Variants in LRIG1 observed in about 807,000 individuals in gnomAD.
LRIG1 encodes the protein leucine-rich repeats and immunoglobulin-like domains protein 1.
Under a neutral mutation model 99.2 loss-of-function variants are expected in LRIG1, and 48 were observed. The ratio of observed to expected loss-of-function variants is 0.48; its 90% CI spans 0.38 to 0.62. The LOEUF is 0.62. Among genes scored for constraint, LRIG1 ranks in the 20% least tolerant of loss-of-function variants. LRIG1 has a pLI of 0.00. For synonymous variants in LRIG1, 772 were observed against 596.1 expected, an observed-to-expected ratio of 1.29 and a Z score of -4.30; for missense variants, 1,646 against 1,434.4, an observed-to-expected ratio of 1.15 and a Z score of -2.38.
chr3:66,445,573 A>G (rs1430013835), intron 3 of LRIG1, among the ~76,000 whole-genome samples: 1 of 152,200 alleles, frequency 6.6e-6, no homozygotes, highest in Non-Finnish European at 1.5e-5. Flanking sequence ...CCAGCTAGGA[A>G]TAAATGCACA....
chr3:66,463,299 C>T (rs1700398418), intron 1 of LRIG1, among the ~76,000 whole-genome samples: 1 of 152,168 alleles, frequency 6.6e-6, no homozygotes, highest in African/African-American at 2.4e-5. Context: ...AGTATTCCCA[C>T]CTACACTGAA....
rs201648773 is a variant in LRIG1, at chr3:66,405,181, G to A, written c.1160+17C>T. On this transcript the variant is annotated intron_variant, in intron 9 of 18. Coordinates refer to ENST00000273261, the MANE Select transcript of LRIG1 (RefSeq NM_015541.3). ...CCCGCGCATTTGCCGGCGGAGCTCC[G>A]TGCGGCGGATACTCACAGCTTGCTG... is the stretch of plus-strand genomic sequence containing the variant. 1,815 of 1,611,868 alleles carry A rather than the reference G, an allele frequency of 1.1e-3. 11 individuals are homozygous for A. The highest frequency in any genetic ancestry group is 8.3e-3 in the South Asian group (758 of 91,008).
rs1559766633 is a variant in LRIG1 at position 66,384,126 on chromosome 3, G to A, written c.1936C>T (p.Arg646Ter). ...TCATCCGGCATGACATGCATGCGTC[G>A]CTCACGGGCAGCGGGGAAATCCGTG... is the stretch of plus-strand genomic sequence containing the variant. ...GGTDFPAARE[R>*]RMHVMPDDDV... Residue 646 changes from arginine (R) to a stop codon, truncating the protein, a stop_gained, in exon 14 of 19, where the codon CGA becomes TGA. Transcript: ENST00000273261. LOFTEE classifies it high-confidence loss of function. 1.9e-6 allele frequency: 3 copies of A among 1,614,194 alleles called. No homozygotes were observed. Among genetic ancestry groups the A allele is most frequent in the Non-Finnish European group, 2.5e-6 (3 of 1,180,032 alleles).
intron 4 of LRIG1, among the ~76,000 whole-genome samples, chr3:66,416,740 T>C (rs1275732371): frequency 6.6e-6 from 1 of 152,204 alleles, no homozygotes; most frequent in Non-Finnish European, 1.5e-5. Context: ...AGGCTTCCAA[T>C]GTGAATCCTC....
intron 1 of LRIG1, among the ~76,000 whole-genome samples, chr3:66,482,533 G>A (rs1700874145): frequency 6.6e-6 from 1 of 152,190 alleles, no homozygotes; most frequent in Non-Finnish European, 1.5e-5. Flanking sequence ...AGCATTTAAT[G>A]TTTGTGAGGG....
At chr3:66,436,139 C>T (rs1267350715) in intron 3 of LRIG1, among the ~76,000 whole-genome samples, 1 of 152,228 alleles carries the variant, frequency 6.6e-6, no homozygotes, top group Non-Finnish European at 1.5e-5. Flanking sequence ...GGACAGCTAG[C>T]GTGGCCCTTG....
chr3:66,383,930 A>G lies in LRIG1; in HGVS notation c.2071+61T>C, dbSNP rs557199718. 1.2e-5 allele frequency: 18 copies of G among 1,512,040 alleles called. No homozygotes were observed. In the Admixed American group the frequency reaches 1.3e-4, roughly 11 times the overall value. The allele number at this position is 1,512,040 out of a possible 1,614,324, so 93.7% of individuals were successfully genotyped here. ...CACCCCTGGCCACACAGAGCATTTG[A>G]GAGTCTCTCTCTCTCGCTCACACAC... is the stretch of plus-strand genomic sequence containing the variant. On this transcript the variant is annotated intron_variant, in intron 14 of 18. Coordinates refer to ENST00000273261, the MANE Select transcript of LRIG1 (RefSeq NM_015541.3).
intron 4 of LRIG1, 65 bp from the exon 5 acceptor site, chr3:66,415,128 A>C (rs1163860068): frequency 2.0e-6 from 3 of 1,486,948 alleles, no homozygotes; most frequent in Non-Finnish European, 2.7e-6. Flanking sequence ...CATTATAGAC[A>C]CCAGACCTCT....
At chr3:66,383,543 G>C in intron 14 of LRIG1, 142 bp from the exon 15 acceptor site, 2 of 774,704 alleles carry the variant, frequency 2.6e-6, no homozygotes, top group Non-Finnish European at 4.0e-6. Flanking sequence ...CTTTGGAGAA[G>C]ACCCTTCAAC....
At chr3:66,392,594 GTT>G (rs1701665191) in intron 12 of LRIG1, among the ~76,000 whole-genome samples, 6 of 145,428 alleles carry the variant, frequency 4.1e-5, no homozygotes, top group Non-Finnish European at 7.6e-5. Context: ...AACACCTGAC[GTT>G]TTTAGAGGGG....
At chr3:66,435,826 A>G (rs1575689462) in intron 3 of LRIG1, among the ~76,000 whole-genome samples, 2 of 151,938 alleles carry the variant, frequency 1.3e-5, no homozygotes, top group African/African-American at 2.4e-5. Context: ...ATTATCCCTA[A>G]GTATCATTAA....
In LRIG1 at chr3:66,473,692, C is replaced by A. The variant is rs568149726; in HGVS notation, c.219-11183G>T. ...CAAATTAGAAAAGCGAATTTACCCA[C>A]AACTTTTCAAGAATACATCCGCTGT... On this transcript the variant is annotated intron_variant, in intron 1 of 18. Coordinates refer to ENST00000273261, the MANE Select transcript of LRIG1 (RefSeq NM_015541.3). 7.1e-4 allele frequency among the ~76,000 whole-genome samples: 108 copies of A among 152,336 alleles called. 1 individual carries two copies. The highest frequency in any genetic ancestry group is 1.2e-3 in the Non-Finnish European group (80 of 68,030).
intron 1 of LRIG1, among the ~76,000 whole-genome samples, chr3:66,465,813 T>C (rs1700461445): frequency 6.6e-6 from 1 of 152,172 alleles, no homozygotes. Flanking sequence ...TTTAGAAGTT[T>C]CTCAACATCC....
chr3:66,380,344 G>C lies in LRIG1; in HGVS notation c.3201C>G (p.Asp1067Glu), dbSNP rs150703226. The C allele has an allele frequency of 1.9e-6, 3 of 1,614,044 alleles. No individual in the cohort carries two copies. Among genetic ancestry groups the C allele is most frequent in the African/African-American group, 1.3e-5 (1 of 74,910 alleles). The change falls in exon 19 of 19, where the codon GAC (aspartate) becomes GAG (glutamate). Residue 1067 changes from aspartate to glutamate, a missense_variant. Transcript: ENST00000273261. Reference sequence around the variant, plus strand: ...TCAGTGGCGTGGACTCGGGACTGGCGTCACATGCTTTGGGGAGGTGGCCAT... The same window carrying C: ...TCAGTGGCGTGGACTCGGGACTGGCCTCACATGCTTTGGGGAGGTGGCCAT... ...VSNGHLPKAC[D>E]ASPESTPLTG...
chr3:66,418,378 C>T (rs1702689705), intron 3 of LRIG1, among the ~76,000 whole-genome samples: 1 of 152,232 alleles, frequency 6.6e-6, no homozygotes, highest in Non-Finnish European at 1.5e-5. Flanking sequence ...CAGGCGTGAG[C>T]CACCACAGCT....
chr3:66,389,025 A>G (rs1227808739), intron 12 of LRIG1, among the ~76,000 whole-genome samples: 1 of 152,242 alleles, frequency 6.6e-6, no homozygotes, highest in Non-Finnish European at 1.5e-5. Flanking sequence ...TACATAAACC[A>G]GTAATTATAA....
At chr3:66,439,840 C>G (rs1379983855) in intron 3 of LRIG1, among the ~76,000 whole-genome samples, 1 of 152,132 alleles carries the variant, frequency 6.6e-6, no homozygotes, top group African/African-American at 2.4e-5. Flanking sequence ...ACACCCTCAC[C>G]CGCGCACCAC....
intron 2 of LRIG1, among the ~76,000 whole-genome samples, chr3:66,454,315 T>C (rs538792052): frequency 6.6e-6 from 1 of 152,342 alleles, no homozygotes; most frequent in Admixed American, 6.5e-5. Flanking sequence ...CACTCTGAGA[T>C]GCAAAGAACT....
At chr3:66,401,565 G>A in intron 9 of LRIG1, 1 of 1,294,232 alleles carries the variant, frequency 7.7e-7, no homozygotes, top group Non-Finnish European at 1.0e-6. Flanking sequence ...TCTCAATTAT[G>A]CAGGGGCTAA....
Sources: allele counts gnomAD v4.1 joint callset (sites outside exome capture counted in the v4.1 genomes callset), GRCh38; gene constraint gnomAD v4.1.1; transcripts MANE v1.5; gene names NCBI Gene and HGNC (gene_info 2026-07-23, HGNC 2026-07-21).